CRHR1: variants seen among roughly 807,000 people sequenced by gnomAD.
CRHR1 encodes corticotropin-releasing hormone receptor 1.
In CRHR1, 28 loss-of-function variants were observed where a neutral mutation model predicts 56.0. The ratio of observed to expected loss-of-function variants is 0.50; its 90% CI spans 0.37 to 0.69. CRHR1 has a LOEUF of 0.69. Among genes scored for constraint, CRHR1 ranks in the 30% least tolerant of loss-of-function variants. The pLI is 0.00. For synonymous variants in CRHR1, 195 were observed against 216.5 expected (o/e 0.90, Z 0.87); for missense variants, 376 against 548.0 (o/e 0.69, Z 3.13).
Position 45,784,379 on chromosome 17 carries a change from C to G in CRHR1, c.-166C>G. On this transcript the variant is annotated 5_prime_UTR_variant, in exon 1 of 13. Transcript: ENST00000314537. This position sits in a 1 kb window ranked among gnomAD's most constrained non-coding sequence, Gnocchi z 4.2. Reference sequence around the variant, plus strand: ...GAGCGAGAGCCGGGCCGGGCCGGGCCGGGCCGCGGGGCCGGGAAGCGCCGA... The same window carrying G: ...GAGCGAGAGCCGGGCCGGGCCGGGCGGGGCCGCGGGGCCGGGAAGCGCCGA... 1 of 428,148 alleles carries G rather than the reference C, an allele frequency of 2.3e-6. No homozygotes were observed. The highest frequency in any genetic ancestry group is 3.7e-6 in the Non-Finnish European group (1 of 267,458). The allele number at this position is 428,148 out of a possible 1,614,324, so 26.5% of individuals were successfully genotyped here.
chr17:45,803,285 G>A (rs996098283), intron 1 of CRHR1, among the ~76,000 whole-genome samples: 2 of 152,222 alleles, frequency 1.3e-5, no homozygotes, highest in Non-Finnish European at 2.9e-5. Context: ...GGAGCACGAA[G>A]CACAGCTTAA....
intron 4 of CRHR1, chr17:45,826,460 A>G (rs1164061190): frequency 6.6e-6 from 1 of 152,206 alleles, no homozygotes; most frequent in Non-Finnish European, 1.5e-5. Context: ...GGCCGATGAG[A>G]GACAGGGCTT....
intron 2 of CRHR1, among the ~76,000 whole-genome samples, chr17:45,809,586 T>C (rs1182841911): frequency 6.6e-6 from 1 of 152,244 alleles, no homozygotes; most frequent in Non-Finnish European, 1.5e-5. Flanking sequence ...ACGCGATCCA[T>C]CACCCTCCAC....
At chr17:45,810,841 A>G (rs2061809191) in intron 2 of CRHR1, among the ~76,000 whole-genome samples, 1 of 152,210 alleles carries the variant, frequency 6.6e-6, no homozygotes. Context: ...GTGGCCGAGC[A>G]AAGACCAGGT....
chr17:45,803,779 T>TGTGTGTGTGTGTGTGCGCGCGC (rs1371508322), intron 1 of CRHR1, among the ~76,000 whole-genome samples: 1 of 151,844 alleles, frequency 6.6e-6, no homozygotes, highest in Non-Finnish European at 1.5e-5. Context: ...TGTGTGTGCG[T>TGTGTGTGTGTGTGTGCGCGCGC]GCGCGTGCGC....
intron 2 of CRHR1, among the ~76,000 whole-genome samples, chr17:45,813,300 G>A (rs1339319025): frequency 1.3e-5 from 2 of 148,476 alleles, no homozygotes; most frequent in South Asian, 2.2e-4. Context: ...CTTTGGCCAC[G>A]CCCCCCCAAC....
intron 1 of CRHR1, among the ~76,000 whole-genome samples, chr17:45,792,320 G>T (rs1468130556): frequency 6.6e-6 from 1 of 152,092 alleles, no homozygotes; most frequent in Non-Finnish European, 1.5e-5. Context: ...CGCCTCCCAG[G>T]TTCTTTTAAG....
intron 1 of CRHR1, among the ~76,000 whole-genome samples, chr17:45,802,681 G>A (rs110402): frequency 0.45 from 68,631 of 151,990 alleles, 16,858 homozygotes; most frequent in East Asian, 0.9. Flanking sequence ...TTTGCATAAC[G>A]CAACACCAGT....
chr17:45,835,160 T>G lies in CRHR1; in HGVS notation c.*396T>G. The G allele has an allele frequency of 4.8e-6, 1 of 209,906 alleles. No homozygotes were observed. The highest frequency in any genetic ancestry group is 9.5e-6 in the Non-Finnish European group (1 of 105,194). 13.0% of individuals were successfully genotyped at this position (209,906 alleles called of 1,614,324 possible). On this transcript the variant is annotated 3_prime_UTR_variant, in exon 13 of 13. Coordinates refer to ENST00000314537, the MANE Select transcript of CRHR1 (RefSeq NM_004382.5). ...CCCTCGGCAACCGTGGGGAGGCCAT[T>G]TGCTGCCCTGGGGCATCATGGGCAA...
chr17:45,811,404 G>A (rs1391845354), intron 2 of CRHR1, among the ~76,000 whole-genome samples: 1 of 152,240 alleles, frequency 6.6e-6, no homozygotes, highest in Admixed American at 6.5e-5. Flanking sequence ...CAGAATGCGG[G>A]CCCCACGCAT....
chr17:45,823,902 G>A (rs191358936), intron 4 of CRHR1, among the ~76,000 whole-genome samples: 3 of 152,350 alleles, frequency 2.0e-5, no homozygotes, highest in Admixed American at 6.5e-5. Context: ...CTGGCAGGGC[G>A]AGGGGCTGCC....
intron 4 of CRHR1, among the ~76,000 whole-genome samples, chr17:45,824,528 C>T (rs1230821146): frequency 2.6e-5 from 4 of 152,160 alleles, no homozygotes; most frequent in African/African-American, 9.7e-5. Flanking sequence ...GGCCTAAGGG[C>T]AGTAGGTTAG....
At position 45,833,358 on chromosome 17, in the gene CRHR1, G is replaced by A. The variant is rs1233706847; in HGVS notation, c.844-94G>A. On this transcript the variant is annotated intron_variant, in intron 9 of 12. Coordinates refer to ENST00000314537, the MANE Select transcript of CRHR1 (RefSeq NM_004382.5). ...GAGATGTGCAGGTGCTCATGAGGAGGAGGGAGAACAGCAGGGGCACTGAGG... is the reference window on the plus strand; with the variant it reads ...GAGATGTGCAGGTGCTCATGAGGAGAAGGGAGAACAGCAGGGGCACTGAGG... 3 of 1,472,284 alleles carry A rather than the reference G, an allele frequency of 2.0e-6. No homozygotes were observed. In the African/African-American group the frequency reaches 4.2e-5, roughly 20 times the overall value. 91.2% of individuals were successfully genotyped at this position (1,472,284 alleles called of 1,614,324 possible). A position where few individuals can be genotyped will look rare whatever the true frequency, so the allele number is the denominator to read the frequency against.
At position 45,785,329 on chromosome 17, in the gene CRHR1, C is replaced by T. The variant is rs554181028; in HGVS notation, c.33+752C>T. ...GTTCGTGGGCGGTGGGGGCGGCCCG[C>T]GGGTTGTGTGAGCCAGGGAAGGGCC... On this transcript the variant is annotated intron_variant, in intron 1 of 12. Transcript: ENST00000314537. Among the ~76,000 whole-genome samples, 23 of 152,308 alleles carry T rather than the reference C, an allele frequency of 1.5e-4. No homozygotes were observed. The East Asian group carries it at 3.3e-3, about 22-fold the overall frequency.
chr17:45,808,537 C>T (rs893283819), intron 2 of CRHR1, among the ~76,000 whole-genome samples: 1 of 152,168 alleles, frequency 6.6e-6, no homozygotes, highest in Non-Finnish European at 1.5e-5. Context: ...CTGTTACCTG[C>T]CCCAAGGATC....
At chr17:45,797,688 A>T (rs2061546968) in intron 1 of CRHR1, among the ~76,000 whole-genome samples, 1 of 152,126 alleles carries the variant, frequency 6.6e-6, no homozygotes, top group African/African-American at 2.4e-5. Context: ...GGCTTGGAGA[A>T]GTTCGGTGAT....
intron 2 of CRHR1, among the ~76,000 whole-genome samples, chr17:45,815,587 C>A (rs928967965): frequency 1.3e-5 from 2 of 152,216 alleles, no homozygotes; most frequent in Non-Finnish European, 2.9e-5. Flanking sequence ...CCAATATTTT[C>A]ATTACATTCA....
intron 1 of CRHR1, chr17:45,799,927 C>T (rs1480943232): frequency 2.0e-5 from 3 of 152,738 alleles, no homozygotes; most frequent in Non-Finnish European, 2.9e-5. Flanking sequence ...CTGCCACACC[C>T]CTACAAGCTC....
At chr17:45,829,153 G>A in intron 4 of CRHR1, 62 bp from the exon 5 acceptor site, 2 of 1,322,768 alleles carry the variant, frequency 1.5e-6, no homozygotes, top group Non-Finnish European at 2.2e-6. Flanking sequence ...CCTAGGCGAT[G>A]TCCTCACAGA....
Sources: allele counts gnomAD v4.1 joint callset (sites outside exome capture counted in the v4.1 genomes callset), GRCh38; gene constraint gnomAD v4.1.1; non-coding constraint Gnocchi (gnomAD v3.1); transcripts MANE v1.5; gene names NCBI Gene and HGNC (gene_info 2026-07-23, HGNC 2026-07-21).